The following PHF21B variants were observed in gnomAD, a reference collection of about 807,000 sequenced individuals.
PHF21B encodes the protein PHD finger protein 4.
Under a neutral mutation model 62.2 loss-of-function variants are expected in PHF21B, and 22 were observed. That is an observed-to-expected ratio of 0.35 (90% confidence interval 0.25 to 0.51). The LOEUF (loss-of-function observed/expected upper bound fraction) is 0.51, where lower values mean the gene tolerates loss of function less well. Among genes scored for constraint, PHF21B ranks in the 20% least tolerant of loss-of-function variants. The pLI is 0.97. For missense variants in PHF21B, 701 were observed against 707.9 expected (o/e 0.99, Z 0.11); for synonymous variants, 341 against 314.7 (o/e 1.08, Z -0.88).
chr22:44,927,104 G>A (rs1035001029), intron 2 of PHF21B, among the ~76,000 whole-genome samples: 1 of 152,122 alleles, frequency 6.6e-6, no homozygotes, highest in Admixed American at 6.5e-5. Flanking sequence ...CCAAAGGAGA[G>A]GGACGGATGG....
chr22:44,909,909 G>C (rs1408908162), intron 5 of PHF21B, among the ~76,000 whole-genome samples: 1 of 152,182 alleles, frequency 6.6e-6, no homozygotes, highest in Non-Finnish European at 1.5e-5. Context: ...CCTTCATTTA[G>C]AATTCTCTCA....
At chr22:44,956,058 G>A (rs548961683) in intron 2 of PHF21B, among the ~76,000 whole-genome samples, 146 of 152,322 alleles carry the variant, frequency 9.6e-4, no homozygotes, top group Non-Finnish European at 1.8e-3. Context: ...ACCCCACAAC[G>A]TCCAGCCATC....
intron 2 of PHF21B, chr22:44,933,594 C>G (rs577592498): frequency 9.4e-6 from 9 of 957,206 alleles, no homozygotes; most frequent in Non-Finnish European, 1.1e-5. Flanking sequence ...AAGGTCTCGG[C>G]TACATAGAAG....
At chr22:44,940,089 AAAAGCAATCTG>A (rs2071926729) in intron 2 of PHF21B, among the ~76,000 whole-genome samples, 2 of 152,240 alleles carry the variant, frequency 1.3e-5, no homozygotes, top group East Asian at 1.9e-4. Context: ...CCCTTCTGTA[AAAAGCAATCTG>A]AAAGCAATCT....
chr22:44,892,471 C>T (rs1409561085), intron 7 of PHF21B, among the ~76,000 whole-genome samples: 1 of 152,238 alleles, frequency 6.6e-6, no homozygotes, highest in African/African-American at 2.4e-5. Context: ...AGCTCAGGTT[C>T]CCAAGACATG....
At position 44,922,169 on chromosome 22, in the gene PHF21B, G is replaced by A. The variant is rs569031645; in HGVS notation, c.121-1679C>T. On this transcript the variant is annotated intron_variant, in intron 2 of 12. Transcript: ENST00000313237. The stretch of plus-strand genomic sequence containing the variant: ...GGATAAGACATCATGAACAAGCTGG[G>A]TTTATCCCAGGACTGCAGGGCTGCT... 2.0e-4 allele frequency among the ~76,000 whole-genome samples: 30 copies of A among 152,330 alleles called. No individual in the cohort carries two copies. The South Asian group carries it at 6.2e-3, about 32-fold the overall frequency.
At chr22:44,974,638 C>A (rs2072703438) in intron 2 of PHF21B, among the ~76,000 whole-genome samples, 1 of 152,136 alleles carries the variant, frequency 6.6e-6, no homozygotes, top group Admixed American at 6.5e-5. Context: ...ACCTGACCTG[C>A]TCATAGATGC....
intron 5 of PHF21B, among the ~76,000 whole-genome samples, chr22:44,905,850 A>G (rs919393277): frequency 5.9e-5 from 9 of 152,026 alleles, no homozygotes; most frequent in East Asian, 1.9e-4. Context: ...GGATGGTCTC[A>G]ATCTCCTGAC....
intron 2 of PHF21B, chr22:45,000,497 T>G (rs997966646): frequency 6.6e-6 from 1 of 152,190 alleles, no homozygotes; most frequent in African/African-American, 2.4e-5. Flanking sequence ...GAGGAAAAAC[T>G]TGGTAAATCA....
At chr22:44,948,918 G>A (rs136704) in intron 2 of PHF21B, among the ~76,000 whole-genome samples, 8,935 of 152,192 alleles carry the variant, frequency 0.059, 680 homozygotes, top group African/African-American at 0.18. Flanking sequence ...AAGGTGATTC[G>A]CGTGGCTTAT....
intron 2 of PHF21B, among the ~76,000 whole-genome samples, chr22:44,984,157 A>C: frequency 6.7e-6 from 1 of 149,834 alleles, no homozygotes; most frequent in Admixed American, 6.7e-5. Flanking sequence ...CATCACCACC[A>C]TCACCACCAT....
chr22:44,911,453 G>C (rs2071342378), intron 5 of PHF21B, among the ~76,000 whole-genome samples: 1 of 152,120 alleles, frequency 6.6e-6, no homozygotes, highest in Non-Finnish European at 1.5e-5. Context: ...CTGGGCCCAG[G>C]GTCCCTCTGC....
chr22:44,935,456 C>T (rs546300755), intron 2 of PHF21B, among the ~76,000 whole-genome samples: 11 of 152,098 alleles, frequency 7.2e-5, no homozygotes, highest in African/African-American at 2.4e-4. Flanking sequence ...CTACTAAAAA[C>T]ACAAAAAATT....
At chr22:44,959,605 T>C (rs1337706237) in intron 2 of PHF21B, among the ~76,000 whole-genome samples, 1 of 152,164 alleles carries the variant, frequency 6.6e-6, no homozygotes, top group East Asian at 1.9e-4. Context: ...TGGGGAAGAC[T>C]GGCAGGTCAT....
In PHF21B at chr22:44,990,855, A is replaced by G. The variant is rs370799178; in HGVS notation, c.120+17690T>C. ...TTATGTCCATTTTGCTGCAATAAAA[A>G]TTTCGATCAATGTTATTTAATAAAG... On this transcript the variant is annotated intron_variant, in intron 2 of 12. Coordinates refer to ENST00000313237, the MANE Select transcript of PHF21B (RefSeq NM_138415.5). Among the ~76,000 whole-genome samples, 6 of 152,368 alleles carry G rather than the reference A, an allele frequency of 3.9e-5. No homozygotes were observed. The South Asian group carries it at 1.0e-3, about 26-fold the overall frequency.
At chr22:44,947,114 G>A (rs1013103436) in intron 2 of PHF21B, among the ~76,000 whole-genome samples, 4 of 152,238 alleles carry the variant, frequency 2.6e-5, no homozygotes, top group South Asian at 4.1e-4. Context: ...CACGCACTGC[G>A]TGGGTGGCAG....
chr22:44,921,301 A>C (rs1005084123), intron 2 of PHF21B, among the ~76,000 whole-genome samples: 5 of 152,104 alleles, frequency 3.3e-5, no homozygotes, highest in African/African-American at 1.2e-4. Flanking sequence ...CACTTGTCTA[A>C]AGTCTCCTTT....
chr22:44,915,145 A>G (rs2071410965), intron 4 of PHF21B, among the ~76,000 whole-genome samples: 1 of 152,228 alleles, frequency 6.6e-6, no homozygotes, highest in Non-Finnish European at 1.5e-5. Flanking sequence ...TTTGTATCAC[A>G]TTTTTAAAAC....
chr22:44,946,093 G>A (rs2072063349), intron 2 of PHF21B, among the ~76,000 whole-genome samples: 1 of 148,316 alleles, frequency 6.7e-6, no homozygotes. Context: ...GGGAGAGTCA[G>A]GCCCTGCGGG....
Sources: gnomAD v4.1 joint callset for allele counts (sites outside exome capture counted in the v4.1 genomes callset) on GRCh38, gnomAD v4.1.1 for gene constraint, MANE v1.5 for transcripts, NCBI Gene and HGNC (gene_info 2026-07-23, HGNC 2026-07-21) for gene names.